CAST: variants seen among roughly 807,000 people sequenced by gnomAD.
CAST encodes calpastatin.
A neutral mutation model predicts 119.6 loss-of-function variants in CAST; 76 were observed. The observed-to-expected ratio is 0.64, with a 90% CI of 0.53 to 0.77. The LOEUF (loss-of-function observed/expected upper bound fraction) is 0.77. CAST is among the 30% of genes least tolerant of loss of function. The probability of loss-of-function intolerance (pLI) is 0.00; values close to 1 mark genes in which losing one functional copy is unlikely to be tolerated. For missense variants in CAST, 953 were observed against 946.5 expected, an observed-to-expected ratio of 1.01 and a Z score of -0.09; for synonymous variants, 319 against 331.6, an observed-to-expected ratio of 0.96 and a Z score of 0.41.
chr5:96,434,054 G>A, the CAST span: 1 of 151,948 alleles, frequency 6.6e-6, no homozygotes, highest in Non-Finnish European at 1.5e-5. Flanking sequence ...GGAAAGAGCA[G>A]TTTTTATTTA....
At chr5:96,592,969 G>A (rs1266210849) in intron 1 of CAST, among the ~76,000 whole-genome samples, 16 of 152,098 alleles carry the variant, frequency 1.1e-4, no homozygotes, top group Admixed American at 1.0e-3. Context: ...GTTTCACCAT[G>A]TTAGCCAGGA....
At chr5:96,302,157 T>C in the CAST span, among the ~76,000 whole-genome samples, 134,175 of 152,154 alleles carry the variant, frequency 0.88, 59,375 homozygotes, top group Non-Finnish European at 0.92. Context: ...GCTTACAGCT[T>C]GCACCCTCTG....
chr5:96,702,120 C>T (rs1162807548), intron 3 of CAST, among the ~76,000 whole-genome samples: 1 of 152,198 alleles, frequency 6.6e-6, no homozygotes, highest in Non-Finnish European at 1.5e-5. Flanking sequence ...ACCTCCTTCA[C>T]TCACACCCCA....
chr5:96,482,887 G>A, the CAST span, among the ~76,000 whole-genome samples: 1 of 152,120 alleles, frequency 6.6e-6, no homozygotes, highest in African/African-American at 2.4e-5. Context: ...AATGGTTAAA[G>A]GTCCAAATTT....
At chr5:96,264,356 A>G in the CAST span, among the ~76,000 whole-genome samples, 9 of 152,234 alleles carry the variant, frequency 5.9e-5, no homozygotes, top group Non-Finnish European at 1.3e-4. Flanking sequence ...CATACTTAAT[A>G]ACCCTTTCCT....
the CAST span, among the ~76,000 whole-genome samples, chr5:96,093,690 G>C: frequency 1.3e-5 from 2 of 152,170 alleles, no homozygotes; most frequent in African/African-American, 4.8e-5. Context: ...GGGTTTGAAG[G>C]GTCTGGAAAA....
chr5:96,384,047 A>G, the CAST span, among the ~76,000 whole-genome samples: 3 of 152,238 alleles, frequency 2.0e-5, no homozygotes, highest in Admixed American at 6.5e-5. Context: ...GATACTGGAT[A>G]TGGGAAGGTC....
intron 3 of CAST, chr5:96,702,746 G>A: frequency 1.0e-6 from 1 of 984,808 alleles, no homozygotes; most frequent in Non-Finnish European, 1.2e-6. Flanking sequence ...GGGCCGCCGG[G>A]CAGGGGGGCG....
chr5:96,124,162 G>A, the CAST span, among the ~76,000 whole-genome samples: 2 of 152,080 alleles, frequency 1.3e-5, no homozygotes, highest in Admixed American at 1.3e-4. Flanking sequence ...CAGAGATAGA[G>A]CTTGGCTTTT....
chr5:96,385,423 A>G, the CAST span, among the ~76,000 whole-genome samples: 2 of 152,230 alleles, frequency 1.3e-5, no homozygotes, highest in Non-Finnish European at 2.9e-5. Context: ...GAGCAAAAAG[A>G]TAGGGTTGGA....
intron 20 of CAST, among the ~76,000 whole-genome samples, chr5:96,753,052 G>T (rs572667791): frequency 1.3e-5 from 2 of 151,102 alleles, no homozygotes; most frequent in African/African-American, 4.9e-5. Flanking sequence ...GGACTGCAAT[G>T]GCATGATCTC....
At chr5:96,065,862 A>G in the CAST span, among the ~76,000 whole-genome samples, 2 of 152,152 alleles carry the variant, frequency 1.3e-5, no homozygotes, top group Admixed American at 1.3e-4. Flanking sequence ...CCTTACTATG[A>G]CTATGAAAGA....
the CAST span, among the ~76,000 whole-genome samples, chr5:96,043,736 A>G: frequency 1.3e-5 from 2 of 152,188 alleles, no homozygotes; most frequent in African/African-American, 2.4e-5. Flanking sequence ...ACTTCCCTTC[A>G]AGTTTCACTG....
At chr5:96,220,129 C>A in the CAST span, among the ~76,000 whole-genome samples, 4 of 152,178 alleles carry the variant, frequency 2.6e-5, no homozygotes, top group African/African-American at 9.6e-5. Flanking sequence ...TCAGTCCTGG[C>A]TAATGGGACG....
At chr5:96,211,558 A>G in the CAST span, among the ~76,000 whole-genome samples, 1 of 151,986 alleles carries the variant, frequency 6.6e-6, no homozygotes, top group Non-Finnish European at 1.5e-5. Context: ...ATTCTTAAGA[A>G]CTTTTACATG....
At chr5:96,234,736 G>A in the CAST span, among the ~76,000 whole-genome samples, 6 of 152,290 alleles carry the variant, frequency 3.9e-5, no homozygotes, top group East Asian at 9.6e-4. Context: ...TTTAATGGAT[G>A]TTCCATCCAG....
chr5:96,647,800 C>T (rs1467905663), intron 1 of CAST, among the ~76,000 whole-genome samples: 1 of 152,076 alleles, frequency 6.6e-6, no homozygotes, highest in Non-Finnish European at 1.5e-5. Flanking sequence ...CCTGCGTGCA[C>T]CTTGATTTTG....
At chr5:96,743,746 A>C (rs759705487) in intron 16 of CAST, 7 of 1,574,794 alleles carry the variant, frequency 4.4e-6, no homozygotes, top group Non-Finnish European at 6.1e-6. Context: ...TCCAGGACCA[A>C]GTAATGTATT....
chr5:96,200,076 G>T, the CAST span, among the ~76,000 whole-genome samples: 27 of 152,234 alleles, frequency 1.8e-4, no homozygotes, highest in African/African-American at 4.8e-4. Context: ...TAGTCTGGGG[G>T]CATCGGCGCT....
Sources: gnomAD v4.1 joint callset for allele counts (sites outside exome capture counted in the v4.1 genomes callset) on GRCh38, gnomAD v4.1.1 for gene constraint, MANE v1.5 for transcripts, NCBI Gene and HGNC (gene_info 2026-07-23, HGNC 2026-07-21) for gene names.